The following INKA2 variants were observed in gnomAD, a reference collection of about 807,000 sequenced individuals.
INKA2 encodes the protein PAK4-inhibitor INKA2.
In INKA2, 3 loss-of-function variants were observed where a neutral mutation model predicts 9.8. The observed-to-expected ratio is 0.31, with a 90% CI of 0.14 to 0.79. The LOEUF is 0.79. Among genes scored for constraint, INKA2 ranks in the 30% least tolerant of loss-of-function variants. The pLI, the probability that INKA2 is intolerant of heterozygous loss-of-function variation, is 0.62. For missense variants in INKA2, 392 were observed against 384.4 expected, an observed-to-expected ratio of 1.02 and a Z score of -0.17; for synonymous variants, 147 against 143.3, an observed-to-expected ratio of 1.03 and a Z score of -0.18.
At position 111,725,052 on chromosome 1, in the gene INKA2, T is replaced by C. The variant is rs1024856598; in HGVS notation, c.*1916A>G. The C allele has an allele frequency of 6.6e-6, 1 of 152,176 alleles. No homozygotes were observed. Among genetic ancestry groups the C allele is most frequent in the Non-Finnish European group, 1.5e-5 (1 of 68,070 alleles). 9.4% of individuals were successfully genotyped at this position (152,176 alleles called of 1,614,324 possible). On this transcript the variant is annotated 3_prime_UTR_variant, in exon 2 of 2. Transcript: ENST00000357260. ...CCACCAAAAATGAAACATCTTACCA[T>C]TTGACTGGGTAGGATTTGAGAGTGA...
intron 1 of INKA2, among the ~76,000 whole-genome samples, chr1:111,734,524 C>G (rs1327173219): frequency 1.3e-5 from 2 of 152,156 alleles, no homozygotes; most frequent in African/African-American, 4.8e-5. Flanking sequence ...ATATCACCTT[C>G]TGGATCCCAG....
At position 111,723,289 on chromosome 1, in the gene INKA2, C is replaced by G. The variant is rs1662689429; in HGVS notation, c.*3679G>C. 1 of 526,432 alleles carries G rather than the reference C, an allele frequency of 1.9e-6. No homozygotes were observed. The highest frequency in any genetic ancestry group is 2.0e-5 in the African/African-American group (1 of 50,262). 32.6% of individuals were successfully genotyped at this position (526,432 alleles called of 1,614,324 possible). Reference sequence around the variant, plus strand: ...TGGGGATGTGGAGAGGACAGAGCAACCTTCTTTGGGGCAAGTTTGGGTTCA... The same window carrying G: ...TGGGGATGTGGAGAGGACAGAGCAAGCTTCTTTGGGGCAAGTTTGGGTTCA... On this transcript the variant is annotated 3_prime_UTR_variant, in exon 2 of 2. Transcript: ENST00000357260.
intron 1 of INKA2, among the ~76,000 whole-genome samples, chr1:111,731,482 C>G (rs1172730988): frequency 6.6e-6 from 1 of 152,096 alleles, no homozygotes; most frequent in African/African-American, 2.4e-5. Context: ...TCCCAAGTAG[C>G]TGGGACTACA....
At chr1:111,750,092 C>T (rs557969127) in intron 1 of INKA2, among the ~76,000 whole-genome samples, 4 of 152,322 alleles carry the variant, frequency 2.6e-5, no homozygotes, top group African/African-American at 9.6e-5. Context: ...GCAAACACGC[C>T]ACCTTCCTCC....
chr1:111,737,193 C>T (rs758054812), intron 1 of INKA2, among the ~76,000 whole-genome samples: 5 of 152,204 alleles, frequency 3.3e-5, no homozygotes, highest in African/African-American at 9.7e-5. Context: ...TGGGGCACTC[C>T]GTGACTTCAG....
At chr1:111,736,011 A>G (rs1663000575) in intron 1 of INKA2, among the ~76,000 whole-genome samples, 1 of 152,188 alleles carries the variant, frequency 6.6e-6, no homozygotes, top group African/African-American at 2.4e-5. Context: ...AGCATCGTAC[A>G]TCTGCCTCCT....
rs866988973 is a variant in INKA2, at chr1:111,746,808, C to T, written n.124+8893G>A. On this transcript the variant is annotated intron_variant and non_coding_transcript_variant, in intron 1 of 1. Transcript: ENST00000444059. ...GAAGAGATGAGGAGACAGTAGATCACCAGAGGGCAGTGTGAGGGGTGTGCT... is the reference window on the plus strand; with the variant it reads ...GAAGAGATGAGGAGACAGTAGATCATCAGAGGGCAGTGTGAGGGGTGTGCT... The T allele has an allele frequency of 2.6e-5, 4 of 152,254 alleles. No individual in the cohort carries two copies. In the Middle Eastern group the frequency reaches 0.01, roughly 388 times the overall value. 9.4% of individuals were successfully genotyped at this position (152,254 alleles called of 1,614,324 possible).
Position 111,727,279 on chromosome 1 carries a change from CT to C in INKA2, c.582del (p.Gly195AlafsTer12). 2 of 1,614,200 alleles carry C rather than the reference CT, an allele frequency of 1.2e-6. No homozygotes were observed. The highest frequency in any genetic ancestry group is 2.7e-5 in the African/African-American group (2 of 75,056). On this transcript the variant is annotated frameshift_variant, in exon 2 of 2. Coordinates refer to ENST00000357260, the MANE Select transcript of INKA2 (RefSeq NM_019099.5). LOFTEE classifies it high-confidence loss of function. ...CTGCGGCCCAGCTCCTGGGGCTGGC[CT>C]TTCTCTCCTTTGGGTTCACGTGCCC... ...TGGAREPKGEKGQPQELGRRF... is the reference protein window; with the variant it reads ...TGGAREPKGEXGQPQELGRRF...
At chr1:111,742,004 C>T (rs997857314), upstream of INKA2, among the ~76,000 whole-genome samples, 3 of 152,180 alleles carry the variant, frequency 2.0e-5, no homozygotes, top group Non-Finnish European at 4.4e-5. Flanking sequence ...GCATGAGCCA[C>T]CGTGCCTGGC....
exon 1 of INKA2, chr1:111,755,711 A>T (rs1309616565): frequency 6.2e-7 from 1 of 1,613,622 alleles, no homozygotes; most frequent in South Asian, 1.1e-5. Context: ...CAGTTGCCTC[A>T]TCTTTCCTCT....
At chr1:111,734,795 T>C (rs1662979272) in intron 1 of INKA2, among the ~76,000 whole-genome samples, 1 of 152,250 alleles carries the variant, frequency 6.6e-6, no homozygotes, top group Admixed American at 6.5e-5. Flanking sequence ...GTTCAAATGC[T>C]ACCTCTTCCA....
At chr1:111,727,920 C>A in intron 1 of INKA2, 116 bp from the exon 2 acceptor site, 1 of 923,310 alleles carries the variant, frequency 1.1e-6, no homozygotes. Flanking sequence ...ATCCAGCCTG[C>A]CACCAGCCCC....
chr1:111,723,306 T>C lies in INKA2; in HGVS notation c.*3662A>G. On this transcript the variant is annotated 3_prime_UTR_variant, in exon 2 of 2. Transcript: ENST00000357260. ...CAGAGCAACCTTCTTTGGGGCAAGTTTGGGTTCAGAGATCACCCTGAGGGG... is the reference window on the plus strand; with the variant it reads ...CAGAGCAACCTTCTTTGGGGCAAGTCTGGGTTCAGAGATCACCCTGAGGGG... 1.9e-6 allele frequency: 1 copy of C among 522,538 alleles called. No homozygotes were observed. The highest frequency in any genetic ancestry group is 2.6e-5 in the South Asian group (1 of 38,132). The allele number at this position is 522,538 out of a possible 1,614,324, so 32.4% of individuals were successfully genotyped here.
At chr1:111,748,080 T>C (rs777731297) in intron 1 of INKA2, among the ~76,000 whole-genome samples, 10 of 152,206 alleles carry the variant, frequency 6.6e-5, no homozygotes, top group Non-Finnish European at 1.2e-4. Context: ...GAGAGTAATA[T>C]GAAGATGTTA....
chr1:111,726,571 T>C lies in INKA2; in HGVS notation c.*397A>G. The C allele has an allele frequency of 4.8e-6, 1 of 210,100 alleles. No individual in the cohort carries two copies. Among genetic ancestry groups the C allele is most frequent in the East Asian group, 1.2e-4 (1 of 8,148 alleles). 13.0% of individuals were successfully genotyped at this position (210,100 alleles called of 1,614,324 possible). A position where few individuals can be genotyped will look rare whatever the true frequency, so the allele number is the denominator to read the frequency against. On this transcript the variant is annotated 3_prime_UTR_variant, in exon 2 of 2. Coordinates refer to ENST00000357260, the MANE Select transcript of INKA2 (RefSeq NM_019099.5). ...TGGGGAACCTGATGCTCCAGGGCTC[T>C]TTTCCATACAGAATGTTCAACGGAG...
intron 1 of INKA2, among the ~76,000 whole-genome samples, chr1:111,738,138 TC>T (rs1036981655): frequency 2.6e-5 from 4 of 151,962 alleles, no homozygotes; most frequent in Admixed American, 6.6e-5. Flanking sequence ...AAGAGTCGAC[TC>T]CAAGAGAGAC....
chr1:111,745,265 T>TTATATATATATATATATATATATA (rs71078098), intron 1 of INKA2: 2 of 45,118 alleles, frequency 4.4e-5, no homozygotes, highest in Non-Finnish European at 8.0e-5. Flanking sequence ...CACAGAGATA[T>TTATATATATATATATATATATATA]TATATATATA....
chr1:111,742,311 G>C (rs1663166962), upstream of INKA2, among the ~76,000 whole-genome samples: 1 of 152,144 alleles, frequency 6.6e-6, no homozygotes, highest in Non-Finnish European at 1.5e-5. Flanking sequence ...TCTGGGCTGG[G>C]CGCAGTGACT....
At chr1:111,728,801 T>C (rs1662845566) in intron 1 of INKA2, among the ~76,000 whole-genome samples, 1 of 151,640 alleles carries the variant, frequency 6.6e-6, no homozygotes, top group Non-Finnish European at 1.5e-5. Context: ...AAATCCAAAA[T>C]CCAAAACACT....
Sources: gnomAD v4.1 joint callset for allele counts (sites outside exome capture counted in the v4.1 genomes callset) on GRCh38, gnomAD v4.1.1 for gene constraint, MANE v1.5 for transcripts, NCBI Gene and HGNC (gene_info 2026-07-23, HGNC 2026-07-21) for gene names.